The following UNC45A variants were observed in gnomAD, a reference collection of about 807,000 sequenced individuals.
UNC45A encodes protein unc-45 homolog A.
A neutral mutation model predicts 103.2 loss-of-function variants in UNC45A; 78 were observed. The observed-to-expected ratio is 0.76, with a 90% confidence interval of 0.63 to 0.91. UNC45A has a LOEUF of 0.91. UNC45A is among the 40% of genes least tolerant of loss of function. The pLI is 0.00. For missense variants in UNC45A, 1,193 were observed against 1,224.8 expected, an observed-to-expected ratio of 0.97 and a Z score of 0.39; for synonymous variants, 495 against 504.6, an observed-to-expected ratio of 0.98 and a Z score of 0.25.
In UNC45A at chr15:90,945,129, A is replaced by G. The variant is rs2151367276; in HGVS notation, c.1199+66A>G. ...GCGAAAAAGTTCTGACTCCTTGAGGAGGGGCAGAAATGAAAGGTTTCCAGC... is the reference window on the plus strand; with the variant it reads ...GCGAAAAAGTTCTGACTCCTTGAGGGGGGGCAGAAATGAAAGGTTTCCAGC... On this transcript the variant is annotated intron_variant, in intron 9 of 19. Transcript: ENST00000418476. The G allele has an allele frequency of 2.5e-6, 4 of 1,573,730 alleles. No individual in the cohort carries two copies. In the South Asian group the frequency reaches 4.6e-5, roughly 18 times the overall value.
At chr15:90,944,374 G>A (rs546806058) in intron 8 of UNC45A, among the ~76,000 whole-genome samples, 34 of 151,892 alleles carry the variant, frequency 2.2e-4, no homozygotes, top group African/African-American at 7.7e-4. Context: ...GCAACAGGGC[G>A]ACTCTGTCTT....
rs566298288 is a variant in UNC45A at position 90,953,992 on chromosome 15, T to C, written c.*276T>C. 6.2e-6 allele frequency: 3 copies of C among 486,514 alleles called. No homozygotes were observed. Among genetic ancestry groups the C allele is most frequent in the Non-Finnish European group, 1.1e-5 (3 of 266,328 alleles). 30.1% of individuals were successfully genotyped at this position (486,514 alleles called of 1,614,324 possible). The stretch of plus-strand genomic sequence containing the variant: ...GGGGAAGGTGCATCCCAACACAGCC[T>C]GTGGATCCTGGGGCATCTGGAAGGG... On this transcript the variant is annotated 3_prime_UTR_variant, in exon 20 of 20. Transcript: ENST00000418476.
At position 90,948,686 on chromosome 15, in the gene UNC45A, C is replaced by T. The variant is rs765649376; in HGVS notation, c.1770C>T (p.Ala590=). 6.2e-7 allele frequency: 1 copy of T among 1,614,064 alleles called. No individual in the cohort carries two copies. The highest frequency in any genetic ancestry group is 1.6e-4 in the Middle Eastern group (1 of 6,062). ...LEERSVLFAV[A]SALVNCTNSY... ...AGAGGTCAGTGCTCTTTGCGGTGGC[C>T]TCAGCGCTGGTGAACTGCACCAACA... Residue 590 remains alanine (A), a synonymous_variant, in exon 13 of 20, where the codon GCC becomes GCT. Transcript: ENST00000418476.
upstream of UNC45A, chr15:90,931,761 C>T: frequency 6.2e-7 from 1 of 1,614,152 alleles, no homozygotes; most frequent in Non-Finnish European, 8.5e-7. Context: ...GCCAGCTTCA[C>T]CAGTTTGGCC....
upstream of UNC45A, chr15:90,932,246 T>G (rs1486780992): frequency 1.3e-5 from 13 of 996,296 alleles, no homozygotes. Context: ...CCTTACCCTC[T>G]GGGAGCCAAC....
At chr15:90,944,359 C>T (rs939723653) in intron 8 of UNC45A, among the ~76,000 whole-genome samples, 2 of 151,950 alleles carry the variant, frequency 1.3e-5, no homozygotes, top group African/African-American at 2.4e-5. Flanking sequence ...TGCTCTCCAG[C>T]CTGGGCAACA....
Position 90,948,158 on chromosome 15 carries a change from C to A in UNC45A, c.1612C>A (p.Gln538Lys), listed in dbSNP as rs1386542697. Residue 538 changes from glutamine (Q) to lysine (K), a missense_variant, in exon 12 of 20, where the codon CAG becomes AAG. By Grantham distance (53) the Gln-to-Lys change is moderately conservative. Coordinates refer to ENST00000418476, the MANE Select transcript of UNC45A (RefSeq NM_018671.5). Reference sequence around the variant, plus strand: ...TGTCCCCAGGTGGCTGTGCAATGACCAGATCGACGCAGGCACTCGGCGCTG... The same window carrying A: ...TGTCCCCAGGTGGCTGTGCAATGACAAGATCGACGCAGGCACTCGGCGCTG... The part of the protein sequence containing the change: ...KQCRKWLCND[Q>K]IDAGTRRWAV... The A allele has an allele frequency of 6.2e-7, 1 of 1,613,994 alleles. No individual in the cohort carries two copies. Among genetic ancestry groups the A allele is most frequent in the Admixed American group, 1.7e-5 (1 of 60,004 alleles).
intron 6 of UNC45A, among the ~76,000 whole-genome samples, chr15:90,941,308 G>C (rs1245679362): frequency 1.3e-5 from 2 of 152,144 alleles, no homozygotes; most frequent in Non-Finnish European, 2.9e-5. Flanking sequence ...AGCAATAACA[G>C]TCCTGCTCCT....
intron 1 of UNC45A, 32 bp from the exon 2 acceptor site, chr15:90,935,512 C>A (rs758383660): frequency 6.3e-7 from 1 of 1,578,386 alleles, no homozygotes; most frequent in African/African-American, 1.3e-5. Context: ...CCCGAACCCC[C>A]TCCGACGTTT....
In UNC45A at chr15:90,946,930, TG is replaced by T; in HGVS notation, c.1500+20del. ...GGCGCTAGTGGTGAGACGGTGGGCC[TG>T]GGGTGGGTGGGCAGGCAGCCAGGCA... On this transcript the variant is annotated intron_variant, in intron 10 of 19. Coordinates refer to ENST00000418476, the MANE Select transcript of UNC45A (RefSeq NM_018671.5). 1 of 785,000 alleles carries T rather than the reference TG, an allele frequency of 1.3e-6. No individual in the cohort carries two copies. Among genetic ancestry groups the T allele is most frequent in the Non-Finnish European group, 2.1e-6 (1 of 484,394 alleles). The allele number at this position is 785,000 out of a possible 1,614,324, so 48.6% of individuals were successfully genotyped here.
upstream of UNC45A, chr15:90,931,373 C>A: frequency 6.4e-7 from 1 of 1,558,342 alleles, no homozygotes; most frequent in South Asian, 1.2e-5. Flanking sequence ...GCTGCCCACT[C>A]GAAGTATTCC....
chr15:90,947,952 C>T, intron 11 of UNC45A, 62 bp downstream of exon 11: 1 of 1,503,646 alleles, frequency 6.7e-7, no homozygotes, highest in Non-Finnish European at 9.0e-7. Context: ...ACACAGGGGT[C>T]TGGGTGGGGG....
chr15:90,950,644 G>C (rs748461147), intron 17 of UNC45A, 29 bp downstream of exon 17: 5 of 1,606,254 alleles, frequency 3.1e-6, no homozygotes, highest in African/African-American at 1.3e-5. Flanking sequence ...GCGGGGCCTG[G>C]ACCAGGCATC....
In UNC45A at chr15:90,935,679, A is replaced by G; in HGVS notation, c.187A>G (p.Asn63Asp). The part of the protein sequence containing the change: ...TPQDQAVLHR[N>D]RAACHLKLED... Reference sequence around the variant, plus strand: ...CCAGGACCAGGCCGTTCTGCACCGGAACCGGGCCGCCTGCCACCTCAAGCT... The same window carrying G: ...CCAGGACCAGGCCGTTCTGCACCGGGACCGGGCCGCCTGCCACCTCAAGCT... The change falls in exon 2 of 20, where the codon AAC (asparagine) becomes GAC (aspartate). Residue 63 changes from asparagine to aspartate, a missense_variant. Transcript: ENST00000418476. 1 of 1,569,966 alleles carries G rather than the reference A, an allele frequency of 6.4e-7. No individual in the cohort carries two copies. The highest frequency in any genetic ancestry group is 8.6e-7 in the Non-Finnish European group (1 of 1,160,680).
chr15:90,938,346 G>A (rs990274105), intron 4 of UNC45A, among the ~76,000 whole-genome samples: 7 of 152,076 alleles, frequency 4.6e-5, no homozygotes, highest in Admixed American at 3.3e-4. Context: ...ATAATTTGAC[G>A]TTAAAATGCT....
chr15:90,946,201 C>T (rs1418703642), intron 9 of UNC45A, among the ~76,000 whole-genome samples: 1 of 147,718 alleles, frequency 6.8e-6, no homozygotes, highest in Non-Finnish European at 1.5e-5. Flanking sequence ...TTGCAGTGAG[C>T]CGAGATCACG....
upstream of UNC45A, chr15:90,931,886 A>G (rs2035807599): frequency 3.1e-6 from 5 of 1,614,022 alleles, no homozygotes; most frequent in East Asian, 1.1e-4. Flanking sequence ...CCCAAAGTGT[A>G]GCTCCACCTC....
chr15:90,930,661 G>T (rs943299443), upstream of UNC45A: 1 of 153,866 alleles, frequency 6.5e-6, no homozygotes, highest in Admixed American at 6.5e-5. Flanking sequence ...GAGACACCGC[G>T]CCTGGCCCCC....
At chr15:90,940,144 A>G (rs1348220970) in intron 5 of UNC45A, among the ~76,000 whole-genome samples, 162 bp from the exon 6 acceptor site, 1 of 152,162 alleles carries the variant, frequency 6.6e-6, no homozygotes, top group Non-Finnish European at 1.5e-5. Flanking sequence ...TCTTCCCTCT[A>G]TTTACAGAGG....
Sources: allele counts gnomAD v4.1 joint callset (sites outside exome capture counted in the v4.1 genomes callset), GRCh38; gene constraint gnomAD v4.1.1; transcripts MANE v1.5; gene names NCBI Gene and HGNC (gene_info 2026-07-23, HGNC 2026-07-21).